The following SARAF variants were observed in gnomAD, a reference collection of about 807,000 sequenced individuals.
The protein encoded by SARAF is store-operated calcium entry-associated regulatory factor.
SARAF carries 23 observed loss-of-function variants against 39.7 expected under a neutral mutation model. The ratio of observed to expected loss-of-function variants is 0.58; its 90% CI spans 0.42 to 0.82. The LOEUF (loss-of-function observed/expected upper bound fraction) is 0.82. Among genes scored for constraint, SARAF ranks in the 40% least tolerant of loss-of-function variants. SARAF has a pLI of 0.00. For missense variants in SARAF, 384 were observed against 418.5 expected, an observed-to-expected ratio of 0.92 and a Z score of 0.72; for synonymous variants, 175 against 168.5, an observed-to-expected ratio of 1.04 and a Z score of -0.30.
chr8:30,075,147 A>G (rs2117436897), intron 1 of SARAF, among the ~76,000 whole-genome samples: 2 of 152,152 alleles, frequency 1.3e-5, no homozygotes, highest in South Asian at 4.1e-4. Context: ...CTAAATATAC[A>G]AAATTAGCCG....
intron 5 of SARAF, among the ~76,000 whole-genome samples, chr8:30,064,646 T>C (rs1350494177): frequency 2.0e-5 from 3 of 147,916 alleles, no homozygotes; most frequent in Non-Finnish European, 3.0e-5. Context: ...CACTGCAACT[T>C]CTGCCTCCCG....
intron 4 of SARAF, 69 bp from the exon 5 acceptor site, chr8:30,066,208 C>A: frequency 6.8e-7 from 1 of 1,466,056 alleles, no homozygotes. Context: ...CCTTCCTGTT[C>A]CTAAACTGTC....
At position 30,063,598 on chromosome 8, in the gene SARAF, T is replaced by C; in HGVS notation, c.*290A>G. ...TTCATTCTTAATGCTTCTTAGGGCA[T>C]CACAGGTTTTAGAAATTAATGTATT... On this transcript the variant is annotated 3_prime_UTR_variant, in exon 6 of 6. Transcript: ENST00000256255. 8.9e-6 allele frequency: 4 copies of C among 451,786 alleles called. No homozygotes were observed. In the South Asian group the frequency reaches 1.1e-4, roughly 13 times the overall value. 28.0% of individuals were successfully genotyped at this position (451,786 alleles called of 1,614,324 possible).
intron 1 of SARAF, among the ~76,000 whole-genome samples, chr8:30,075,995 AAAAAAAAAAC>A (rs1563356235): frequency 1.4e-5 from 2 of 145,434 alleles, no homozygotes; most frequent in Non-Finnish European, 3.0e-5. Flanking sequence ...AAAAAACAAA[AAAAAAAAAAC>A]AAAAAACGGG....
At position 30,065,838 on chromosome 8, in the gene SARAF, G is replaced by A. The variant is rs1585432322; in HGVS notation, c.994+150C>T. 4 of 852,120 alleles carry A rather than the reference G, an allele frequency of 4.7e-6. No homozygotes were observed. The Admixed American group carries it at 8.6e-5, about 18-fold the overall frequency. The allele number at this position is 852,120 out of a possible 1,614,324, so 52.8% of individuals were successfully genotyped here. A position where few individuals can be genotyped will look rare whatever the true frequency, so the allele number is the denominator to read the frequency against. On this transcript the variant is annotated intron_variant, in intron 5 of 5. Coordinates refer to ENST00000256255, the MANE Select transcript of SARAF (RefSeq NM_016127.6). The stretch of plus-strand genomic sequence containing the variant: ...TTTGATTTTTAAAGAATGTTTAAAA[G>A]TGGGATCTCAGTTAACTGTGCTATT...
At chr8:30,072,567 A>G (rs1454086860) in intron 2 of SARAF, among the ~76,000 whole-genome samples, 1 of 152,190 alleles carries the variant, frequency 6.6e-6, no homozygotes, top group East Asian at 1.9e-4. Flanking sequence ...TTTCATGTTA[A>G]CTACCACTTC....
At position 30,069,851 on chromosome 8, in the gene SARAF, T is replaced by C. The variant is rs1270556980; in HGVS notation, c.491A>G (p.Lys164Arg). 1 of 1,614,030 alleles carries C rather than the reference T, an allele frequency of 6.2e-7. No homozygotes were observed. Among genetic ancestry groups the C allele is most frequent in the Admixed American group, 1.7e-5 (1 of 59,998 alleles). Reference sequence around the variant, plus strand: ...GTTACAGGAATCCGCCGAGGACCACTTATAATAATAATCAGAGAAAGAGGC... The same window carrying C: ...GTTACAGGAATCCGCCGAGGACCACCTATAATAATAATCAGAGAAAGAGGC... The part of the protein sequence containing the change: ...GFASFSDYYY[K>R]WSSADSCNMS... Residue 164 changes from lysine to arginine, a missense_variant, in exon 3 of 6, where the codon AAG becomes AGG. Lys to Arg is a conservative substitution (Grantham distance 26). Coordinates refer to ENST00000256255, the MANE Select transcript of SARAF (RefSeq NM_016127.6).
chr8:30,072,951 T>C (rs577622280), intron 2 of SARAF, among the ~76,000 whole-genome samples: 1 of 152,366 alleles, frequency 6.6e-6, no homozygotes, highest in South Asian at 2.1e-4. Context: ...AATTAATACA[T>C]GCTTAATGAA....
chr8:30,065,688 G>A, intron 5 of SARAF: 1 of 289,578 alleles, frequency 3.5e-6, no homozygotes, highest in Non-Finnish European at 6.7e-6. Flanking sequence ...ACTTAGAAAA[G>A]TCTAGTTTAG....
rs1213870829 is a variant in SARAF, at chr8:30,069,748, C to T, written c.594G>A (p.Gln198=). Residue 198 remains glutamine, a synonymous_variant, in exon 3 of 6, where the codon CAG becomes CAA. Coordinates refer to ENST00000256255, the MANE Select transcript of SARAF (RefSeq NM_016127.6). ...VVYKLFLSDG[Q]YSPPPYSEYP... Reference sequence around the variant, plus strand: ...ACTCAGAGTACGGTGGAGGAGAATACTGCCCGTCACTCAGGAACAGCTTAT... The same window carrying T: ...ACTCAGAGTACGGTGGAGGAGAATATTGCCCGTCACTCAGGAACAGCTTAT... 3 of 1,614,002 alleles carry T rather than the reference C, an allele frequency of 1.9e-6. No homozygotes were observed. The highest frequency in any genetic ancestry group is 2.5e-6 in the Non-Finnish European group (3 of 1,180,002).
chr8:30,079,298 A>T (rs1802048341), intron 1 of SARAF, among the ~76,000 whole-genome samples: 1 of 152,174 alleles, frequency 6.6e-6, no homozygotes, highest in Non-Finnish European at 1.5e-5. Flanking sequence ...GGTCTTTTTA[A>T]TTTAGTGGAT....
chr8:30,064,552 TATA>T (rs1242053037), intron 5 of SARAF, among the ~76,000 whole-genome samples: 481 of 28,438 alleles, frequency 0.017, 32 homozygotes, highest in African/African-American at 0.046. Flanking sequence ...TATATATATA[TATA>T]TATATATTTT....
chr8:30,064,559 A>ATTTTTTTTTTTTTTT (rs1240248914), intron 5 of SARAF, among the ~76,000 whole-genome samples: 1 of 50,020 alleles, frequency 2.0e-5, no homozygotes, highest in Non-Finnish European at 3.2e-5. Context: ...ATATATATAT[A>ATTTTTTTTTTTTTTT]TATTTTTTTT....
At chr8:30,081,474 A>C (rs757232336) in intron 1 of SARAF, among the ~76,000 whole-genome samples, 8 of 152,256 alleles carry the variant, frequency 5.3e-5, no homozygotes, top group Non-Finnish European at 8.8e-5. Flanking sequence ...AGAAATACAA[A>C]AGAAAAACGT....
rs1381763121 is a variant in SARAF at position 30,065,986 on chromosome 8, A to ACCACCATAT, written c.994+1_994+2insATATGGTGG. Reference sequence around the variant, plus strand: ...AAAGGAACTTGTATTTTTTGCTCTTACCTGATGCAGTTCTGGTTTTCGTGT... The same window carrying ACCACCATAT: ...AAAGGAACTTGTATTTTTTGCTCTTACCACCATATCCTGATGCAGTTCTGGTTTTCGTGT... On this transcript the variant is annotated splice_donor_variant, in intron 5 of 5. Transcript: ENST00000256255. LOFTEE classifies it high-confidence loss of function. 3 of 1,547,110 alleles carry ACCACCATAT rather than the reference A, an allele frequency of 1.9e-6. No individual in the cohort carries two copies. Among genetic ancestry groups the ACCACCATAT allele is most frequent in the South Asian group, 1.1e-5 (1 of 88,208 alleles).
intron 1 of SARAF, 146 bp downstream of exon 1, chr8:30,082,701 A>C (rs1585449982): frequency 1.7e-6 from 1 of 580,848 alleles, no homozygotes; most frequent in Admixed American, 3.9e-5. Context: ...AACCAGGGAG[A>C]GCACGAACAG....
intron 3 of SARAF, among the ~76,000 whole-genome samples, chr8:30,069,391 C>T (rs369248865): frequency 6.6e-6 from 1 of 152,030 alleles, no homozygotes; most frequent in Non-Finnish European, 1.5e-5. Context: ...CTGCCCACCC[C>T]GGCCTCCCAA....
intron 2 of SARAF, among the ~76,000 whole-genome samples, 153 bp from the exon 3 acceptor site, chr8:30,070,212 C>T (rs987763818): frequency 2.0e-5 from 3 of 151,984 alleles, no homozygotes; most frequent in Admixed American, 6.6e-5. Flanking sequence ...GTTCAAGACC[C>T]GCCTGGCCAA....
chr8:30,066,715 A>C, intron 4 of SARAF, 62 bp downstream of exon 4: 1 of 1,569,764 alleles, frequency 6.4e-7, no homozygotes, highest in Non-Finnish European at 8.7e-7. Flanking sequence ...AATGCAGTTA[A>C]ATTGTAAGCA....
Sources: gnomAD v4.1 joint callset for allele counts (sites outside exome capture counted in the v4.1 genomes callset) on GRCh38, gnomAD v4.1.1 for gene constraint, MANE v1.5 for transcripts, NCBI Gene and HGNC (gene_info 2026-07-23, HGNC 2026-07-21) for gene names.